SLC6A5: variants seen among roughly 807,000 people sequenced by gnomAD.
SLC6A5 encodes the protein sodium- and chloride-dependent glycine transporter 2.
SLC6A5 carries 58 observed loss-of-function variants against 90.5 expected under a neutral mutation model. That is an observed-to-expected ratio of 0.64 (90% CI 0.52 to 0.80). The LOEUF (loss-of-function observed/expected upper bound fraction) is 0.80. Ranked by LOEUF, SLC6A5 falls within the 30% of genes least tolerant of loss-of-function variation. The pLI is 0.00. For missense variants in SLC6A5, 1,015 were observed against 1,017.6 expected, an observed-to-expected ratio of 1.00 and a Z score of 0.03; for synonymous variants, 427 against 401.4, an observed-to-expected ratio of 1.06 and a Z score of -0.76.
At chr11:20,604,260 T>C (rs1852532653) in intron 2 of SLC6A5, 26 bp from the exon 3 acceptor site, 7 of 1,598,000 alleles carry the variant, frequency 4.4e-6, no homozygotes, top group South Asian at 1.1e-5. Flanking sequence ...GGGGCTGTTA[T>C]CGACAATGTG....
At chr11:20,649,331 G>A (rs1396110214) in intron 14 of SLC6A5, among the ~76,000 whole-genome samples, 1 of 152,160 alleles carries the variant, frequency 6.6e-6, no homozygotes, top group Non-Finnish European at 1.5e-5. Flanking sequence ...GTCAACTGAT[G>A]AGTCTCCCTC....
intron 15 of SLC6A5, among the ~76,000 whole-genome samples, chr11:20,653,959 C>T (rs914678582): frequency 1.3e-5 from 2 of 152,202 alleles, no homozygotes; most frequent in Non-Finnish European, 2.9e-5. Context: ...GCTCTAAGTA[C>T]CAGCTTCACT....
chr11:20,627,653 AATT>A (rs1310978662), intron 8 of SLC6A5, among the ~76,000 whole-genome samples: 2 of 152,224 alleles, frequency 1.3e-5, no homozygotes, highest in East Asian at 3.9e-4. Flanking sequence ...TTCTGTTGTA[AATT>A]ATTATTTTCT....
intron 10 of SLC6A5, among the ~76,000 whole-genome samples, chr11:20,632,039 C>G (rs376564478): frequency 6.6e-6 from 1 of 152,078 alleles, no homozygotes; most frequent in African/African-American, 2.4e-5. Context: ...CAGCAATGCA[C>G]TAAATTAGAG....
chr11:20,651,911 G>GA (rs942042144), intron 14 of SLC6A5, among the ~76,000 whole-genome samples: 30 of 144,192 alleles, frequency 2.1e-4, no homozygotes, highest in Non-Finnish European at 2.8e-4. Context: ...GTCTCAAAAA[G>GA]AAAAAAAAAA....
chr11:20,652,887 C>G (rs942249719), intron 15 of SLC6A5, among the ~76,000 whole-genome samples: 1 of 152,198 alleles, frequency 6.6e-6, no homozygotes. Flanking sequence ...ATCACTACCC[C>G]CTCCTGTTGT....
chr11:20,600,338 A>AGAAGAGGAAGAAGAG (rs1471724120), intron 1 of SLC6A5, among the ~76,000 whole-genome samples: 1 of 28,352 alleles, frequency 3.5e-5, no homozygotes, highest in Non-Finnish European at 7.6e-5. Flanking sequence ...AAGAAGAGGA[A>AGAAGAGGAAGAAGAG]GAAGAAGAAG....
rs1159712438 is a variant in SLC6A5, at chr11:20,601,431, C to A, written c.306C>A (p.Gly102=). 3 of 1,605,904 alleles carry A rather than the reference C, an allele frequency of 1.9e-6. No individual in the cohort carries two copies. The highest frequency in any genetic ancestry group is 3.4e-5 in the Admixed American group (2 of 58,750). Reference sequence around the variant, plus strand: ...TGCGGGACTTGAGAGAGGCGCAAGGCGCGCAGGCCTCGCCCCCTCCCGGGA... The same window carrying A: ...TGCGGGACTTGAGAGAGGCGCAAGGAGCGCAGGCCTCGCCCCCTCCCGGGA... ...AALRDLREAQ[G]AQASPPPGSS... Residue 102 remains glycine (G), a synonymous_variant, in exon 2 of 16, where the codon GGC becomes GGA. Transcript: ENST00000525748.
At chr11:20,608,147 A>T (rs560388455) in intron 5 of SLC6A5, among the ~76,000 whole-genome samples, 19 of 152,212 alleles carry the variant, frequency 1.2e-4, no homozygotes, top group Non-Finnish European at 2.2e-4. Context: ...CAGGAGAGCG[A>T]TCCTGGGGCC....
intron 5 of SLC6A5, among the ~76,000 whole-genome samples, chr11:20,613,693 TCATCACC>T (rs3045404): frequency 0.9 from 131,634 of 145,806 alleles, 60,498 homozygotes; most frequent in Non-Finnish European, 1. Context: ...GGGTCTTGCT[TCATCACC>T]CAGGCTGGGA....
intron 5 of SLC6A5, among the ~76,000 whole-genome samples, chr11:20,608,958 CTGTGTG>C (rs71063652): frequency 4.5e-5 from 5 of 110,856 alleles, no homozygotes; most frequent in South Asian, 2.9e-4. Context: ...CTCTCTCTCT[CTGTGTG>C]TGTGTGTGTG....
At chr11:20,645,558 A>G (rs1248882296) in intron 13 of SLC6A5, among the ~76,000 whole-genome samples, 1 of 150,364 alleles carries the variant, frequency 6.7e-6, no homozygotes, top group Non-Finnish European at 1.5e-5. Flanking sequence ...TGATGGGAGG[A>G]GATGTTGGTA....
intron 6 of SLC6A5, among the ~76,000 whole-genome samples, chr11:20,617,280 T>C (rs1175052546): frequency 6.6e-6 from 1 of 152,238 alleles, no homozygotes; most frequent in Non-Finnish European, 1.5e-5. Context: ...CAGGGCCACA[T>C]TTTTCGTCAT....
At chr11:20,638,027 G>C (rs1853242451) in intron 12 of SLC6A5, among the ~76,000 whole-genome samples, 1 of 152,198 alleles carries the variant, frequency 6.6e-6, no homozygotes, top group African/African-American at 2.4e-5. Flanking sequence ...GATTGAGGTA[G>C]AGATAATGTG....
intron 1 of SLC6A5, 120 bp from the exon 2 acceptor site, chr11:20,601,009 C>G (rs1366154038): frequency 3.0e-6 from 3 of 992,892 alleles, no homozygotes; most frequent in Non-Finnish European, 4.3e-6. Context: ...GTTCAGATTC[C>G]AATTTGCTTC....
Position 20,601,270 on chromosome 11 carries a change from C to T in SLC6A5, c.145C>T (p.Pro49Ser). 1 of 1,586,194 alleles carries T rather than the reference C, an allele frequency of 6.3e-7. No homozygotes were observed. The highest frequency in any genetic ancestry group is 1.3e-5 in the African/African-American group (1 of 74,808). The change falls in exon 2 of 16, where the codon CCA becomes TCA. Residue 49 changes from proline to serine, a missense_variant. By Grantham distance (74) the Pro-to-Ser change is moderately conservative. Around this residue, in one of 3 missense-constraint regions of SLC6A5, gnomAD observed 567 missense variants for 507.3 expected, o/e 1.12. Coordinates refer to ENST00000525748, the MANE Select transcript of SLC6A5 (RefSeq NM_004211.5). ...TCCCGCGGCTGCCGCCCCGCCGCCGCCACGTGTGCCCAGGTCCGCTTCCAC... is the reference window on the plus strand; with the variant it reads ...TCCCGCGGCTGCCGCCCCGCCGCCGTCACGTGTGCCCAGGTCCGCTTCCAC... ...ELPAAAAPPP[P>S]RVPRSASTGA...
chr11:20,636,293 C>T lies in SLC6A5; in HGVS notation c.1625-14C>T. 1 of 1,566,976 alleles carries T rather than the reference C, an allele frequency of 6.4e-7. No individual in the cohort carries two copies. Among genetic ancestry groups the T allele is most frequent in the Non-Finnish European group, 8.8e-7 (1 of 1,136,938 alleles). ...GTAGGGCCTGCCTGCAATCATCTGTCTTGTTCCTTCCAGGGCCAGGCATTG... is the reference window on the plus strand; with the variant it reads ...GTAGGGCCTGCCTGCAATCATCTGTTTTGTTCCTTCCAGGGCCAGGCATTG... On this transcript the variant is annotated splice_polypyrimidine_tract_variant and intron_variant, in intron 10 of 15. Transcript: ENST00000525748.
At chr11:20,650,467 GA>G (rs943043559) in intron 14 of SLC6A5, among the ~76,000 whole-genome samples, 32 of 152,142 alleles carry the variant, frequency 2.1e-4, no homozygotes, top group African/African-American at 7.0e-4. Flanking sequence ...ATCAAGGGGG[GA>G]CTCATGAGTA....
At chr11:20,638,631 C>T in intron 13 of SLC6A5, 73 bp downstream of exon 13, 1 of 889,016 alleles carries the variant, frequency 1.1e-6, no homozygotes, top group Non-Finnish European at 1.9e-6. Flanking sequence ...AAGCAGATTT[C>T]CCATACTTAA....
Sources: gnomAD v4.1 joint callset for allele counts (sites outside exome capture counted in the v4.1 genomes callset) on GRCh38, gnomAD v4.1.1 for gene constraint, gnomAD v4.1.1 regional missense constraint, MANE v1.5 for transcripts, NCBI Gene and HGNC (gene_info 2026-07-23, HGNC 2026-07-21) for gene names.